SUMF1: variants seen among roughly 807,000 people sequenced by gnomAD.
SUMF1 encodes formylglycine-generating enzyme.
A neutral mutation model predicts 47.6 loss-of-function variants in SUMF1; 48 were observed. That is an observed-to-expected ratio of 1.01 (90% CI 0.80 to 1.28). The LOEUF (loss-of-function observed/expected upper bound fraction) is 1.28, where lower values mean the gene tolerates loss of function less well. Among genes scored for constraint, SUMF1 ranks in the 50% most tolerant of loss-of-function variants. The pLI is 0.00. For synonymous variants in SUMF1, 230 were observed against 192.1 expected (o/e 1.20, Z -1.63); for missense variants, 571 against 485.4 (o/e 1.18, Z -1.66).
chr3:4,344,785 A>G, intron 8 of SUMF1, among the ~76,000 whole-genome samples: 1 of 152,180 alleles, frequency 6.6e-6, no homozygotes, highest in African/African-American at 2.4e-5. Context: ...AAGAACCTTG[A>G]TAAGAGGTTA....
chr3:4,274,723 G>C (rs1376473885), intron 8 of SUMF1, among the ~76,000 whole-genome samples: 1 of 152,076 alleles, frequency 6.6e-6, no homozygotes, highest in Non-Finnish European at 1.5e-5. Context: ...TGAATCTCTG[G>C]AAATAAAAAG....
intron 8 of SUMF1, among the ~76,000 whole-genome samples, chr3:4,227,800 T>A (rs1432384008): frequency 6.6e-6 from 1 of 152,158 alleles, no homozygotes; most frequent in Non-Finnish European, 1.5e-5. Flanking sequence ...GAGCCAGTCA[T>A]GCTTGAGGTC....
At chr3:4,369,024 G>A (rs1391725291) in intron 8 of SUMF1, among the ~76,000 whole-genome samples, 1 of 151,644 alleles carries the variant, frequency 6.6e-6, no homozygotes, top group East Asian at 1.9e-4. Flanking sequence ...GACTCAGGGG[G>A]AAGATAAGTT....
chr3:4,291,835 G>C (rs1370278306), intron 8 of SUMF1, among the ~76,000 whole-genome samples: 2 of 152,172 alleles, frequency 1.3e-5, no homozygotes, highest in African/African-American at 2.4e-5. Context: ...CTGCTTCTCT[G>C]ATCTGGATTA....
intron 8 of SUMF1, among the ~76,000 whole-genome samples, chr3:4,317,799 T>A (rs1698724076): frequency 6.6e-6 from 1 of 152,148 alleles, no homozygotes; most frequent in African/African-American, 2.4e-5. Flanking sequence ...GAAGATTGAG[T>A]TAACACATGC....
intron 8 of SUMF1, chr3:4,303,501 C>A: frequency 1.4e-6 from 2 of 1,452,584 alleles, no homozygotes; most frequent in Non-Finnish European, 1.8e-6. Flanking sequence ...GCGTGGCCCC[C>A]GGGGGCCGCG....
At chr3:4,205,167 C>G (rs1243410903) in intron 8 of SUMF1, among the ~76,000 whole-genome samples, 2 of 152,170 alleles carry the variant, frequency 1.3e-5, no homozygotes, top group Non-Finnish European at 2.9e-5. Context: ...CCCCACCTAA[C>G]TGATCAATGT....
intron 9 of SUMF1, among the ~76,000 whole-genome samples, chr3:4,065,046 C>A (rs1695345552): frequency 6.6e-6 from 1 of 152,152 alleles, no homozygotes; most frequent in South Asian, 2.1e-4. Flanking sequence ...CCCTCTCTGG[C>A]AAGTCCTCCT....
chr3:4,301,918 T>C (rs1697976637), intron 8 of SUMF1, among the ~76,000 whole-genome samples: 1 of 152,146 alleles, frequency 6.6e-6, no homozygotes, highest in African/African-American at 2.4e-5. Context: ...TGGATGTTAT[T>C]AATGAGAAAG....
intron 8 of SUMF1, among the ~76,000 whole-genome samples, chr3:4,215,555 C>G (rs958189743): frequency 6.6e-6 from 1 of 152,068 alleles, no homozygotes; most frequent in Non-Finnish European, 1.5e-5. Context: ...GGCAATCAGG[C>G]AAGAGAAAGA....
At chr3:4,169,691 C>A (rs1285511669) in intron 8 of SUMF1, among the ~76,000 whole-genome samples, 1 of 152,164 alleles carries the variant, frequency 6.6e-6, no homozygotes, top group Non-Finnish European at 1.5e-5. Context: ...TTGGGGCTGA[C>A]AATCTGCAGT....
intron 7 of SUMF1, 21 bp downstream of exon 7, chr3:4,410,844 T>G (rs763831265): frequency 6.2e-7 from 1 of 1,606,662 alleles, no homozygotes; most frequent in Non-Finnish European, 8.5e-7. Flanking sequence ...CCAAGACACA[T>G]GCTCTGTGAA....
At chr3:4,163,832 G>A (rs1694638740) in intron 8 of SUMF1, among the ~76,000 whole-genome samples, 1 of 152,116 alleles carries the variant, frequency 6.6e-6, no homozygotes, top group South Asian at 2.1e-4. Context: ...CTAATAGACA[G>A]CCATCATCTT....
intron 8 of SUMF1, among the ~76,000 whole-genome samples, chr3:4,318,834 G>GGA (rs200314100): frequency 0.011 from 1,628 of 152,152 alleles, 18 homozygotes; most frequent in African/African-American, 0.036. Flanking sequence ...TTTGAACCTG[G>GGA]GGTGGAGGTT....
chr3:4,315,433 C>G (rs1485684661), intron 8 of SUMF1, among the ~76,000 whole-genome samples: 1 of 152,150 alleles, frequency 6.6e-6, no homozygotes. Flanking sequence ...CATTCAGAGA[C>G]AAGGACACAA....
At chr3:4,178,460 T>C (rs921698187) in intron 8 of SUMF1, among the ~76,000 whole-genome samples, 1 of 152,204 alleles carries the variant, frequency 6.6e-6, no homozygotes, top group African/African-American at 2.4e-5. Context: ...TCTCAATAGA[T>C]GCAGAAAAGG....
intron 8 of SUMF1, among the ~76,000 whole-genome samples, chr3:4,248,969 C>T (rs975664472): frequency 2.0e-5 from 3 of 152,208 alleles, no homozygotes. Flanking sequence ...GTGGCCGTGG[C>T]AGTTCATGTG....
intron 8 of SUMF1, among the ~76,000 whole-genome samples, chr3:4,298,692 T>G (rs1460898545): frequency 3.9e-5 from 6 of 152,222 alleles, no homozygotes; most frequent in Admixed American, 3.9e-4. Context: ...TCTGTTACAC[T>G]GCAAGCTTTT....
chr3:4,092,184 C>G (rs1692802973), intron 8 of SUMF1, among the ~76,000 whole-genome samples: 1 of 152,114 alleles, frequency 6.6e-6, no homozygotes, highest in South Asian at 2.1e-4. Flanking sequence ...TCATAATCTC[C>G]TCTGACACAC....
Sources: allele counts gnomAD v4.1 joint callset (sites outside exome capture counted in the v4.1 genomes callset), GRCh38; gene constraint gnomAD v4.1.1; transcripts MANE v1.5; gene names NCBI Gene and HGNC (gene_info 2026-07-23, HGNC 2026-07-21).